The following USP53 variants were observed in gnomAD, a reference collection of about 807,000 sequenced individuals.
USP53 encodes ubiquitin carboxyl-terminal hydrolase 53.
A neutral mutation model predicts 94.9 loss-of-function variants in USP53; 71 were observed. The ratio of observed to expected loss-of-function variants is 0.75; its 90% CI spans 0.62 to 0.91. The LOEUF is 0.91. Among genes scored for constraint, USP53 ranks in the 40% least tolerant of loss-of-function variants. USP53 has a pLI of 0.00. For synonymous variants in USP53, 375 were observed against 422.7 expected, an observed-to-expected ratio of 0.89 and a Z score of 1.39; for missense variants, 1,173 against 1,281.0, an observed-to-expected ratio of 0.92 and a Z score of 1.29.
At chr4:119,268,923 A>G (rs912432988) in intron 14 of USP53, among the ~76,000 whole-genome samples, 11 of 152,218 alleles carry the variant, frequency 7.2e-5, no homozygotes, top group Non-Finnish European at 1.3e-4. Context: ...AAACCTCACA[A>G]TACTGTGTAC....
chr4:119,283,003 T>G (rs1753680868), intron 17 of USP53, among the ~76,000 whole-genome samples: 1 of 151,966 alleles, frequency 6.6e-6, no homozygotes, highest in African/African-American at 2.4e-5. Context: ...AGGACCAAAA[T>G]CTATAATAAT....
At chr4:119,226,651 G>A (rs921510045) in intron 3 of USP53, among the ~76,000 whole-genome samples, 15 of 152,078 alleles carry the variant, frequency 9.9e-5, no homozygotes, top group African/African-American at 3.6e-4. Flanking sequence ...TAGATTGGAG[G>A]TCTCAATATT....
intron 3 of USP53, among the ~76,000 whole-genome samples, chr4:119,223,144 G>A (rs1192524491): frequency 2.0e-5 from 3 of 152,130 alleles, no homozygotes; most frequent in Non-Finnish European, 2.9e-5. Flanking sequence ...GATAAGCTGA[G>A]CATGAGTTAA....
At chr4:119,255,998 A>G (rs1326712259) in intron 7 of USP53, among the ~76,000 whole-genome samples, 1 of 152,194 alleles carries the variant, frequency 6.6e-6, no homozygotes. Flanking sequence ...AGGATTAAAA[A>G]TAACTTTATT....
At chr4:119,222,562 T>C (rs184670429) in intron 3 of USP53, among the ~76,000 whole-genome samples, 2 of 152,340 alleles carry the variant, frequency 1.3e-5, no homozygotes, top group Admixed American at 1.3e-4. Context: ...TATTTGTCTT[T>C]CCGTGCCTGT....
At chr4:119,279,685 CG>C (rs1753223110) in intron 17 of USP53, among the ~76,000 whole-genome samples, 1 of 151,926 alleles carries the variant, frequency 6.6e-6, no homozygotes, top group Admixed American at 6.5e-5. Context: ...CAATGGCGGG[CG>C]CCCCTCCCCC....
intron 9 of USP53, among the ~76,000 whole-genome samples, chr4:119,259,296 G>T (rs976592620): frequency 4.5e-5 from 6 of 134,304 alleles, no homozygotes; most frequent in African/African-American, 1.8e-4. Flanking sequence ...AAAAAAAAAA[G>T]GGGGGGGAGT....
At position 119,293,914 on chromosome 4, in the gene USP53, G is replaced by A. The variant is rs1303611476; in HGVS notation, c.*703G>A. 1 of 152,034 alleles carries A rather than the reference G, an allele frequency of 6.6e-6. No homozygotes were observed. The highest frequency in any genetic ancestry group is 1.5e-5 in the Non-Finnish European group (1 of 67,946). The allele number at this position is 152,034 out of a possible 1,614,324, so 9.4% of individuals were successfully genotyped here. ...ATTTGTAAGTTTTCAAGATCGGATG[G>A]AATTTAATTTTGCTCCTAGAATTTT... On this transcript the variant is annotated 3_prime_UTR_variant, in exon 19 of 19. Transcript: ENST00000692078.
intron 5 of USP53, among the ~76,000 whole-genome samples, chr4:119,243,422 C>T (rs1747809074): frequency 6.6e-6 from 1 of 152,056 alleles, no homozygotes; most frequent in Non-Finnish European, 1.5e-5. Flanking sequence ...TGCTTGAACC[C>T]AGGAGGTGGA....
chr4:119,247,775 A>G (rs2149347276), intron 6 of USP53, among the ~76,000 whole-genome samples: 1 of 152,314 alleles, frequency 6.6e-6, no homozygotes, highest in Non-Finnish European at 1.5e-5. Context: ...TTGCCTAAAT[A>G]AGAGATAAAA....
intron 17 of USP53, among the ~76,000 whole-genome samples, chr4:119,281,149 C>G (rs1753470857): frequency 6.6e-6 from 1 of 152,096 alleles, no homozygotes; most frequent in African/African-American, 2.4e-5. Flanking sequence ...CACATAACAG[C>G]CCAGAAGCAA....
intron 17 of USP53, among the ~76,000 whole-genome samples, chr4:119,278,293 C>G (rs532754256): frequency 6.6e-6 from 1 of 151,566 alleles, no homozygotes; most frequent in Admixed American, 6.6e-5. Flanking sequence ...TAGGGCAGGC[C>G]TAGTGGTGAC....
chr4:119,263,368 G>A (rs1399070546), intron 12 of USP53, among the ~76,000 whole-genome samples: 1 of 152,200 alleles, frequency 6.6e-6, no homozygotes, highest in Non-Finnish European at 1.5e-5. Flanking sequence ...ACAAAGCCTA[G>A]TAGTGTCACT....
At chr4:119,230,992 C>T (rs146550008) in intron 3 of USP53, among the ~76,000 whole-genome samples, 13 of 152,258 alleles carry the variant, frequency 8.5e-5, no homozygotes, top group African/African-American at 2.9e-4. Context: ...CCCATGCAGG[C>T]TGTGTGAGTC....
At position 119,293,510 on chromosome 4, in the gene USP53, G is replaced by C. The variant is rs1754998436; in HGVS notation, c.*299G>C. The C allele has an allele frequency of 4.4e-6, 1 of 226,864 alleles. No individual in the cohort carries two copies. The highest frequency in any genetic ancestry group is 2.3e-5 in the African/African-American group (1 of 44,048). 14.1% of individuals were successfully genotyped at this position (226,864 alleles called of 1,614,324 possible). On this transcript the variant is annotated 3_prime_UTR_variant, in exon 19 of 19. Coordinates refer to ENST00000692078, the MANE Select transcript of USP53 (RefSeq NM_001371395.1). The stretch of plus-strand genomic sequence containing the variant: ...ATATTTTAGAAATTCCCTTTGAATA[G>C]TCTTGGCGTGCCGTGAAAAATAGAA...
At position 119,294,896 on chromosome 4, in the gene USP53, T is replaced by C. The variant is rs1157173482; in HGVS notation, c.*1685T>C. Reference sequence around the variant, plus strand: ...GTTTTAAGAAAGCTTATTTTTAACATAATTTTTTAGTGTGGAGGGTTTGTA... The same window carrying C: ...GTTTTAAGAAAGCTTATTTTTAACACAATTTTTTAGTGTGGAGGGTTTGTA... On this transcript the variant is annotated 3_prime_UTR_variant, in exon 19 of 19. Transcript: ENST00000692078. 6.6e-6 allele frequency: 1 copy of C among 152,158 alleles called. No homozygotes were observed. The highest frequency in any genetic ancestry group is 1.5e-5 in the Non-Finnish European group (1 of 67,984). The allele number at this position is 152,158 out of a possible 1,614,324, so 9.4% of individuals were successfully genotyped here.
Position 119,272,050 on chromosome 4 carries a change from A to T in USP53, c.2174+16A>T. 1 of 1,532,496 alleles carries T rather than the reference A, an allele frequency of 6.5e-7. No homozygotes were observed. The highest frequency in any genetic ancestry group is 8.7e-7 in the Non-Finnish European group (1 of 1,145,054). The allele number at this position is 1,532,496 out of a possible 1,614,324, so 94.9% of individuals were successfully genotyped here. On this transcript the variant is annotated intron_variant, in intron 16 of 18. Transcript: ENST00000692078. ...TATGCTTCAGGTAATGTAAAAGTTG[A>T]GTGAATCATTTTTCCATCACTCTTC...
Position 119,275,797 on chromosome 4 carries a change from T to G in USP53, c.2251+2089T>G, listed in dbSNP as rs897280617. Among the ~76,000 whole-genome samples the G allele has an allele frequency of 5.2e-4, 79 of 152,326 alleles. No individual in the cohort carries two copies. The East Asian group carries it at 0.01, about 20-fold the overall frequency. On this transcript the variant is annotated intron_variant, in intron 17 of 18. Transcript: ENST00000692078. ...CTTGAGCAGCGGTTTGTAGTTCTTC[T>G]TGAAGAGGTCCTTCACATCCCTTGT...
intron 7 of USP53, among the ~76,000 whole-genome samples, chr4:119,251,769 G>A (rs1057403626): frequency 6.6e-6 from 1 of 152,162 alleles, no homozygotes; most frequent in African/African-American, 2.4e-5. Flanking sequence ...CCAATACTAT[G>A]TTGAGTAGGA....
Sources: allele counts gnomAD v4.1 joint callset (sites outside exome capture counted in the v4.1 genomes callset), GRCh38; gene constraint gnomAD v4.1.1; transcripts MANE v1.5; gene names NCBI Gene and HGNC (gene_info 2026-07-23, HGNC 2026-07-21).